SYNE3: variants seen among roughly 807,000 people sequenced by gnomAD.
The protein encoded by SYNE3 is nesprin-3.
A neutral mutation model predicts 111.2 loss-of-function variants in SYNE3; 100 were observed. That is an observed-to-expected ratio of 0.90 (90% CI 0.77 to 1.06). The LOEUF (loss-of-function observed/expected upper bound fraction) is 1.06. Among genes scored for constraint, SYNE3 ranks in the 50% least tolerant of loss-of-function variants. The pLI, the probability that SYNE3 is intolerant of heterozygous loss-of-function variation, is 0.00. For missense variants in SYNE3, 1,160 were observed against 1,240.3 expected (o/e 0.94, Z 0.97); for synonymous variants, 547 against 533.9 (o/e 1.02, Z -0.34).
At chr14:95,447,189 A>AG (rs557063751) in intron 8 of SYNE3, among the ~76,000 whole-genome samples, 39 of 146,090 alleles carry the variant, frequency 2.7e-4, no homozygotes, top group African/African-American at 9.4e-4. Context: ...GCTGGAGTGC[A>AG]GTGGCACGAT....
intron 8 of SYNE3, chr14:95,449,490 C>A: frequency 1.0e-6 from 1 of 985,454 alleles, no homozygotes; most frequent in Non-Finnish European, 1.2e-6. Context: ...TGAGGCGAGA[C>A]CTGGCTTAGA....
intron 11 of SYNE3, among the ~76,000 whole-genome samples, chr14:95,440,299 C>T (rs1039022728): frequency 6.6e-6 from 1 of 152,162 alleles, no homozygotes; most frequent in African/African-American, 2.4e-5. Flanking sequence ...TTTAGGAAAA[C>T]GACCAAGTCT....
At chr14:95,497,991 C>G (rs1890167104) in intron 1 of SYNE3, among the ~76,000 whole-genome samples, 1 of 151,008 alleles carries the variant, frequency 6.6e-6, no homozygotes, top group South Asian at 2.1e-4. Flanking sequence ...CCACTGCACT[C>G]CCCTCCAGCC....
At chr14:95,444,426 G>A in intron 10 of SYNE3, 59 bp downstream of exon 10, 2 of 1,521,166 alleles carry the variant, frequency 1.3e-6, no homozygotes, top group East Asian at 2.3e-5. Context: ...GGGAGACGCT[G>A]CTTCCAGGTG....
chr14:95,423,446 G>A (rs1885246748), intron 17 of SYNE3, among the ~76,000 whole-genome samples: 1 of 152,046 alleles, frequency 6.6e-6, no homozygotes, highest in South Asian at 2.1e-4. Context: ...ACCTAGTTTG[G>A]GAAACTGGGT....
intron 1 of SYNE3, among the ~76,000 whole-genome samples, chr14:95,495,411 G>T (rs1185904751): frequency 1.3e-5 from 2 of 152,226 alleles, no homozygotes; most frequent in Non-Finnish European, 2.9e-5. Context: ...AGGTGTCAAG[G>T]TTATCACTGG....
At chr14:95,418,071 G>A (rs752750922) in intron 17 of SYNE3, 45 bp from the exon 18 acceptor site, 4 of 1,596,936 alleles carry the variant, frequency 2.5e-6, no homozygotes, top group East Asian at 4.5e-5. Context: ...GGGGGCTCTG[G>A]TGGTGGGGGG....
At chr14:95,435,455 C>T (rs909550259) in intron 15 of SYNE3, among the ~76,000 whole-genome samples, 3 of 151,830 alleles carry the variant, frequency 2.0e-5, no homozygotes, top group African/African-American at 4.8e-5. Context: ...GAAAAATACA[C>T]AGGAGAGAGT....
intron 4 of SYNE3, among the ~76,000 whole-genome samples, chr14:95,463,343 G>T (rs756377948): frequency 1.3e-5 from 2 of 152,212 alleles, no homozygotes; most frequent in Non-Finnish European, 2.9e-5. Context: ...GCTCTTGGAG[G>T]CAATCCTTTC....
chr14:95,472,682 G>C (rs1888599142), intron 2 of SYNE3, among the ~76,000 whole-genome samples: 1 of 152,194 alleles, frequency 6.6e-6, no homozygotes, highest in African/African-American at 2.4e-5. Context: ...AGGTGCCACA[G>C]CCATGGCAGA....
At chr14:95,505,079 C>T (rs1382782197) in intron 1 of SYNE3, among the ~76,000 whole-genome samples, 1 of 152,238 alleles carries the variant, frequency 6.6e-6, no homozygotes, top group African/African-American at 2.4e-5. Flanking sequence ...AGTGCTGGGT[C>T]CTGCCTTGGG....
chr14:95,439,942 T>G lies in SYNE3; in HGVS notation c.2045A>C (p.Asp682Ala). The G allele has an allele frequency of 1.9e-6, 3 of 1,612,200 alleles. No homozygotes were observed. The highest frequency in any genetic ancestry group is 2.5e-6 in the Non-Finnish European group (3 of 1,179,354). ...AAACTCGGCCTCTTGGGACTCGGCA[T>G]CCCCCGGGCCCGCCTCTCCCCGGTG... Reference protein sequence around the residue: ...EAHRGEAGPGDAESQEAEFER... With the variant: ...EAHRGEAGPGAAESQEAEFER... The change falls in exon 12 of 18, where the codon GAT becomes GCT. Residue 682 changes from aspartate (D) to alanine (A), a missense_variant. Asp to Ala is a moderately radical substitution (Grantham distance 126, BLOSUM62 -2). Transcript: ENST00000682763.
Position 95,500,040 on chromosome 14 carries a change from A to G in SYNE3, c.-15+16556T>C, listed in dbSNP as rs1052888162. Among the ~76,000 whole-genome samples, 1 of 151,818 alleles carries G rather than the reference A, an allele frequency of 6.6e-6. No individual in the cohort carries two copies. The highest frequency in any genetic ancestry group is 2.4e-5 in the African/African-American group (1 of 41,314). On this transcript the variant is annotated intron_variant, in intron 1 of 17. Coordinates refer to ENST00000682763, the MANE Select transcript of SYNE3 (RefSeq NM_152592.6). This position sits in a 1 kb window ranked among gnomAD's most constrained non-coding sequence, Gnocchi z 4.7. ...ACACCCGACTAATTTTTTTATTTTT[A>G]GTAGAGACGGAGTTTCACCATGTTG... is the stretch of plus-strand genomic sequence containing the variant.
rs1566967448 is a variant in SYNE3 at position 95,449,947 on chromosome 14, A to C, written c.1433T>G (p.Phe478Cys). The C allele has an allele frequency of 5.8e-6, 9 of 1,541,338 alleles. No individual in the cohort carries two copies. The highest frequency in any genetic ancestry group is 7.0e-6 in the Non-Finnish European group (8 of 1,142,352). Residue 478 changes from phenylalanine (F) to cysteine (C), a missense_variant, in exon 8 of 18, where the codon TTC becomes TGC. Physicochemically the swap from Phe to Cys is radical, Grantham distance 205. Transcript: ENST00000682763. ...SLPDLPSLHT[F>C]LPQIEAALME... Reference sequence around the variant, plus strand: ...CACGGTTACCTCGATCTGGGGCAGGAAGGTGTGAAGGGAAGGCAGGTCCGG... The same window carrying C: ...CACGGTTACCTCGATCTGGGGCAGGCAGGTGTGAAGGGAAGGCAGGTCCGG...
chr14:95,502,099 G>A lies in SYNE3; in HGVS notation c.-15+14497C>T, dbSNP rs74876431. Among the ~76,000 whole-genome samples the A allele has an allele frequency of 4.7e-3, 713 of 152,234 alleles. 12 individuals carry two copies. In the East Asian group the frequency reaches 0.063, roughly 13 times the overall value. On this transcript the variant is annotated intron_variant, in intron 1 of 17. Coordinates refer to ENST00000682763, the MANE Select transcript of SYNE3 (RefSeq NM_152592.6). Reference sequence around the variant, plus strand: ...AAGTAGCATGACTTTGACCTAGGATGACCAATTTATCCTGATTTGACGCAC... The same window carrying A: ...AAGTAGCATGACTTTGACCTAGGATAACCAATTTATCCTGATTTGACGCAC...
intron 1 of SYNE3, among the ~76,000 whole-genome samples, chr14:95,482,292 G>A (rs1029113840): frequency 4.6e-5 from 7 of 152,172 alleles, no homozygotes; most frequent in East Asian, 1.9e-4. Context: ...AAATTAGCCA[G>A]GCGTGATAGC....
intron 2 of SYNE3, among the ~76,000 whole-genome samples, chr14:95,468,773 A>C (rs1888347751): frequency 6.6e-6 from 1 of 152,008 alleles, no homozygotes; most frequent in African/African-American, 2.4e-5. Context: ...ATTTCATCTC[A>C]TCTTGGTGTC....
rs59220960 is a variant in SYNE3, at chr14:95,415,276, G to GCCCCCCCCCCCCCCCCCCCCCCCCCC, written c.*2549_*2550insGGGGGGGGGGGGGGGGGGGGGGGGGG. Reference sequence around the variant, plus strand: ...CATAGGAAAGTGGACACCTGGCAAGGCCCCCCCACCCACCCACCCTGCCAC... The same window carrying GCCCCCCCCCCCCCCCCCCCCCCCCCC: ...CATAGGAAAGTGGACACCTGGCAAGGCCCCCCCCCCCCCCCCCCCCCCCCCCCCCCCCCACCCACCCACCCTGCCAC... On this transcript the variant is annotated 3_prime_UTR_variant, in exon 18 of 18. Coordinates refer to ENST00000682763, the MANE Select transcript of SYNE3 (RefSeq NM_152592.6). 6.1e-4 allele frequency: 85 copies of GCCCCCCCCCCCCCCCCCCCCCCCCCC among 139,622 alleles called. No individual in the cohort carries two copies. The highest frequency in any genetic ancestry group is 1.8e-3 in the Admixed American group (24 of 13,664). 8.6% of individuals were successfully genotyped at this position (139,622 alleles called of 1,614,324 possible). A position where few individuals can be genotyped will look rare whatever the true frequency, so the allele number is the denominator to read the frequency against.
At chr14:95,507,640 A>G (rs1890575612) in intron 1 of SYNE3, among the ~76,000 whole-genome samples, 1 of 152,242 alleles carries the variant, frequency 6.6e-6, no homozygotes. Flanking sequence ...TTAATTTTCT[A>G]AAATTATGCC....
Sources: gnomAD v4.1 joint callset for allele counts (sites outside exome capture counted in the v4.1 genomes callset) on GRCh38, gnomAD v4.1.1 for gene constraint, Gnocchi (gnomAD v3.1) non-coding constraint, MANE v1.5 for transcripts, NCBI Gene and HGNC (gene_info 2026-07-23, HGNC 2026-07-21) for gene names.